The following GPT2 variants were observed in gnomAD, a reference collection of about 807,000 sequenced individuals.
The protein encoded by GPT2 is alanine aminotransferase 2.
A neutral mutation model predicts 56.9 loss-of-function variants in GPT2; 30 were observed. The ratio of observed to expected loss-of-function variants is 0.53; its 90% CI spans 0.39 to 0.72. The LOEUF (loss-of-function observed/expected upper bound fraction) is 0.72, where lower values mean the gene tolerates loss of function less well. GPT2 is among the 30% of genes least tolerant of loss of function. GPT2 has a pLI of 0.00. For missense variants in GPT2, 542 were observed against 703.4 expected (o/e 0.77, Z 2.60); for synonymous variants, 271 against 283.1 (o/e 0.96, Z 0.43).
At chr16:46,894,848 G>A (rs902334328) in intron 2 of GPT2, among the ~76,000 whole-genome samples, 7 of 152,080 alleles carry the variant, frequency 4.6e-5, no homozygotes, top group African/African-American at 1.4e-4. Flanking sequence ...TGTATTTTTA[G>A]TAGAGACGGG....
At chr16:46,913,710 A>C (rs1345225358) in intron 6 of GPT2, among the ~76,000 whole-genome samples, 4 of 152,224 alleles carry the variant, frequency 2.6e-5, no homozygotes, top group Non-Finnish European at 4.4e-5. Context: ...TATTATTAAC[A>C]AAAAGGTAAG....
chr16:46,914,733 A>G (rs1961108722), intron 6 of GPT2, among the ~76,000 whole-genome samples: 1 of 152,118 alleles, frequency 6.6e-6, no homozygotes, highest in South Asian at 2.1e-4. Context: ...AGGGCAGACG[A>G]TGAGCGGGGA....
At chr16:46,916,760 G>A in intron 7 of GPT2, 53 bp downstream of exon 7, 1 of 1,229,040 alleles carries the variant, frequency 8.1e-7, no homozygotes, top group Non-Finnish European at 1.2e-6. Flanking sequence ...CTTCTAGAGG[G>A]AGGGACCCAG....
chr16:46,924,034 G>A lies in GPT2; in HGVS notation c.1213-355G>A, dbSNP rs1014295393. 38 of 367,130 alleles carry A rather than the reference G, an allele frequency of 1.0e-4. 1 individual carries two copies. Among genetic ancestry groups the A allele is most frequent in the South Asian group, 7.9e-4 (37 of 46,746 alleles). The allele number at this position is 367,130 out of a possible 1,614,324, so 22.7% of individuals were successfully genotyped here. ...CTGTGTGCCCCACACCCCAGGGCAC[G>A]TGGCAGCCTCCCAGGGTGAGCGCTG... On this transcript the variant is annotated intron_variant, in intron 9 of 11. Transcript: ENST00000340124.
chr16:46,903,386 G>A (rs903010850), intron 4 of GPT2, among the ~76,000 whole-genome samples: 1 of 151,598 alleles, frequency 6.6e-6, no homozygotes, highest in Non-Finnish European at 1.5e-5. Context: ...ATAGCTCACT[G>A]TAACCTTGAC....
In GPT2 at chr16:46,884,859, C is replaced by T. The variant is rs1401375740; in HGVS notation, c.144C>T (p.Leu48=). The T allele has an allele frequency of 6.5e-7, 1 of 1,544,174 alleles. No homozygotes were observed. Reference sequence around the variant, plus strand: ...AGCGCAGCCGGCGCGAGCGCATCCTCACGCTGGAGTCCATGAACCCGCAGG... The same window carrying T: ...AGCGCAGCCGGCGCGAGCGCATCCTTACGCTGGAGTCCATGAACCCGCAGG... The part of the protein sequence containing the change: ...RPERSRRERI[L]TLESMNPQVK... Residue 48 remains leucine, a synonymous_variant, in exon 2 of 12, where the codon CTC becomes CTT. Coordinates refer to ENST00000340124, the MANE Select transcript of GPT2 (RefSeq NM_133443.4).
In GPT2 at chr16:46,899,806, C is replaced by T. The variant is rs143436533; in HGVS notation, c.334-876C>T. On this transcript the variant is annotated intron_variant, in intron 3 of 11. Coordinates refer to ENST00000340124, the MANE Select transcript of GPT2 (RefSeq NM_133443.4). ...AAGTTGTGGCAGGCTTCAGAACAGG[C>T]CTTACTCAGCCTTATTTGCTGGAGA... 3.3e-3 allele frequency among the ~76,000 whole-genome samples: 499 copies of T among 152,326 alleles called. 1 individual carries two copies. The highest frequency in any genetic ancestry group is 0.011 in the African/African-American group (469 of 41,576).
At chr16:46,902,616 T>C (rs1480381937) in intron 4 of GPT2, among the ~76,000 whole-genome samples, 1 of 152,054 alleles carries the variant, frequency 6.6e-6, no homozygotes, top group Non-Finnish European at 1.5e-5. Context: ...GTCTTGAAGC[T>C]CATCCAGAGA....
At chr16:46,927,364 C>T (rs143608593) in intron 11 of GPT2, among the ~76,000 whole-genome samples, 6 of 152,324 alleles carry the variant, frequency 3.9e-5, no homozygotes, top group Admixed American at 2.6e-4. Context: ...TTCAACTCTG[C>T]GATGGCAGCA....
intron 7 of GPT2, among the ~76,000 whole-genome samples, chr16:46,917,008 T>G (rs1224879460): frequency 2.0e-5 from 3 of 152,184 alleles, no homozygotes; most frequent in Admixed American, 2.0e-4. Context: ...TCCAGGGGCT[T>G]GGACCTTATC....
intron 6 of GPT2, among the ~76,000 whole-genome samples, chr16:46,911,961 A>ATATTGACAT (rs1157279149): frequency 6.6e-6 from 1 of 152,224 alleles, no homozygotes; most frequent in Non-Finnish European, 1.5e-5. Context: ...TTAATCTGAT[A>ATATTGACAT]TATTGACATA....
Position 46,906,873 on chromosome 16 carries a change from C to T in GPT2, c.474C>T (p.Cys158=), listed in dbSNP as rs775609296. 8.7e-6 allele frequency: 14 copies of T among 1,614,126 alleles called. No homozygotes were observed. In the East Asian group the frequency reaches 2.0e-4, roughly 23 times the overall value. ...ACAGTGCTAGCCAGGGTGTCAACTGCATCCGTGAAGATGTGGCTGCCTACA... is the reference window on the plus strand; with the variant it reads ...ACAGTGCTAGCCAGGGTGTCAACTGTATCCGTGAAGATGTGGCTGCCTACA... ...GSYSASQGVN[C]IREDVAAYIT... The change falls in exon 5 of 12, where the codon TGC becomes TGT. Residue 158 remains cysteine (C), a synonymous_variant. Transcript: ENST00000340124.
chr16:46,901,873 G>A (rs559082471), intron 4 of GPT2, among the ~76,000 whole-genome samples: 1 of 152,238 alleles, frequency 6.6e-6, no homozygotes, highest in African/African-American at 2.4e-5. Flanking sequence ...GTGGGCTGGG[G>A]CCTTGTGTGC....
In GPT2 at chr16:46,930,866, A is replaced by C. The variant is rs1358343043; in HGVS notation, c.*1869A>C. On this transcript the variant is annotated 3_prime_UTR_variant, in exon 12 of 12. Transcript: ENST00000340124. ...GACTGTATACACTTGATTTGCTTTC[A>C]AAATAAATAAGGTCAGCTAGTCTAG... The C allele has an allele frequency of 6.6e-6, 1 of 152,670 alleles. No individual in the cohort carries two copies. The highest frequency in any genetic ancestry group is 6.5e-5 in the Admixed American group (1 of 15,284). The allele number at this position is 152,670 out of a possible 1,614,324, so 9.5% of individuals were successfully genotyped here.
chr16:46,923,001 A>G (rs563948549), intron 9 of GPT2, among the ~76,000 whole-genome samples: 4 of 152,230 alleles, frequency 2.6e-5, no homozygotes, highest in East Asian at 3.9e-4. Flanking sequence ...GACATTCACA[A>G]TGTTGTGCGG....
chr16:46,885,113 C>T (rs1437263901), intron 2 of GPT2, 155 bp downstream of exon 2: 1 of 1,348,610 alleles, frequency 7.4e-7, no homozygotes, highest in African/African-American at 1.5e-5. Context: ...CCCTCCCGCC[C>T]GTTCACTTAC....
intron 5 of GPT2, among the ~76,000 whole-genome samples, chr16:46,909,339 G>A (rs1014652849): frequency 1.3e-5 from 2 of 152,010 alleles, no homozygotes; most frequent in Admixed American, 6.6e-5. Context: ...GTAGGGAGGT[G>A]GAGGTCTCAC....
chr16:46,922,958 C>T (rs1247696849), intron 9 of GPT2, among the ~76,000 whole-genome samples: 2 of 152,154 alleles, frequency 1.3e-5, no homozygotes, highest in Non-Finnish European at 2.9e-5. Context: ...ACCTTTTTAA[C>T]CTTTATAAAG....
At chr16:46,893,977 T>C (rs562127514) in intron 2 of GPT2, among the ~76,000 whole-genome samples, 1 of 152,272 alleles carries the variant, frequency 6.6e-6, no homozygotes, top group East Asian at 1.9e-4. Context: ...TCCCATCCCA[T>C]GTAGACCTTG....
Sources: allele counts gnomAD v4.1 joint callset (sites outside exome capture counted in the v4.1 genomes callset), GRCh38; gene constraint gnomAD v4.1.1; transcripts MANE v1.5; gene names NCBI Gene and HGNC (gene_info 2026-07-23, HGNC 2026-07-21).